The following FER1L5 variants were observed in gnomAD, a reference collection of about 807,000 sequenced individuals.
FER1L5 encodes the protein fer-1-like protein 5.
Under a neutral mutation model 279.9 loss-of-function variants are expected in FER1L5, and 187 were observed. The observed-to-expected ratio is 0.67, with a 90% CI of 0.59 to 0.75. The LOEUF (loss-of-function observed/expected upper bound fraction) is 0.75. Ranked by LOEUF, FER1L5 falls within the 30% of genes least tolerant of loss-of-function variation. FER1L5 has a pLI of 0.00. For synonymous variants in FER1L5, 921 were observed against 989.7 expected (o/e 0.93, Z 1.30); for missense variants, 2,091 against 2,594.4 (o/e 0.81, Z 4.21).
rs1322918215 is a variant in FER1L5 at position 96,702,086 on chromosome 2, A to G, written c.5159+43A>G. On this transcript the variant is annotated intron_variant, in intron 46 of 52. Transcript: ENST00000624922. This position sits in a 1 kb window ranked among gnomAD's most constrained non-coding sequence, Gnocchi z 4.0. ...TCCCAACTGCTGCATTTCACAGTTC[A>G]GAACTCCCCCAGTGCAGGGCACCAC... 1 of 1,606,364 alleles carries G rather than the reference A, an allele frequency of 6.2e-7. No individual in the cohort carries two copies. The highest frequency in any genetic ancestry group is 1.3e-5 in the African/African-American group (1 of 74,872).
intron 18 of FER1L5, 67 bp from the exon 19 acceptor site, chr2:96,673,010 C>T: frequency 2.0e-6 from 3 of 1,495,200 alleles, no homozygotes; most frequent in Non-Finnish European, 2.7e-6. Flanking sequence ...TCCTTGCCTC[C>T]CTGCCTGTCA....
intron 9 of FER1L5, among the ~76,000 whole-genome samples, chr2:96,659,409 CTT>C (rs2075812649): frequency 1.8e-4 from 1 of 5,428 alleles, no homozygotes; most frequent in Non-Finnish European, 2.9e-4. Context: ...TTCTTTCTTT[CTT>C]TCTTTCTTTC....
At chr2:96,672,684 G>GTT (rs2106585199) in intron 18 of FER1L5, among the ~76,000 whole-genome samples, 1 of 152,028 alleles carries the variant, frequency 6.6e-6, no homozygotes, top group African/African-American at 2.4e-5. Context: ...GTGTGTGTGT[G>GTT]TGTAAAACCT....
chr2:96,699,856 G>A (rs749176341), intron 43 of FER1L5, 76 bp from the exon 44 acceptor site: 67 of 1,585,924 alleles, frequency 4.2e-5, no homozygotes, highest in East Asian at 1.3e-4. Context: ...GCTTCCACCC[G>A]TGGTCAACCT....
rs1306140981 is a variant in FER1L5, at chr2:96,659,470, T to C, written c.748-871T>C. Among the ~76,000 whole-genome samples, 9 of 27,984 alleles carry C rather than the reference T, an allele frequency of 3.2e-4. 1 individual carries two copies. The highest frequency in any genetic ancestry group is 1.2e-3 in the Admixed American group (2 of 1,722). 18.4% of individuals were successfully genotyped at this position (27,984 alleles called of 152,430 possible). A position where few individuals can be genotyped will look rare whatever the true frequency, so the allele number is the denominator to read the frequency against. On this transcript the variant is annotated intron_variant, in intron 9 of 52. Coordinates refer to ENST00000624922, the MANE Select transcript of FER1L5 (RefSeq NM_001293083.2). ...CTTTCTTTCTTTCTTTCTTTCTTTC[T>C]TTCTTTCTTTCTTTCTTTCTTTCTT... is the stretch of plus-strand genomic sequence containing the variant.
rs749764120 is a variant in FER1L5 at position 96,704,591 on chromosome 2, C to T, written c.6073C>T (p.Pro2025Ser). ...CTCTTCCATCCTTCCCACCCAGGAT[C>T]CAAACCTAAAGCCTACAATAGACCA... ...ASSSILPTQD[P>S]NLKPTIDHEW... The change falls in exon 53 of 53, where the codon CCA becomes TCA. Residue 2025 changes from proline to serine, a missense_variant. Physicochemically the swap from Pro to Ser is moderately conservative, Grantham distance 74. Transcript: ENST00000624922. 23 of 1,613,980 alleles carry T rather than the reference C, an allele frequency of 1.4e-5. No homozygotes were observed. Among genetic ancestry groups the T allele is most frequent in the Non-Finnish European group, 1.4e-5 (16 of 1,179,880 alleles).
intron 34 of FER1L5, chr2:96,695,167 A>C: frequency 4.2e-6 from 1 of 235,592 alleles, no homozygotes; most frequent in Non-Finnish European, 8.1e-6. Flanking sequence ...GGCTTCAGGA[A>C]CTCCTACCTG....
In FER1L5 at chr2:96,653,717, T is replaced by C; in HGVS notation, c.696+15T>C. On this transcript the variant is annotated intron_variant, in intron 8 of 52. Coordinates refer to ENST00000624922, the MANE Select transcript of FER1L5 (RefSeq NM_001293083.2). ...TCTTAATCCAGGTGAGGAGCCAAACTGGTCCCCAGCAAGGTGGGTTTCTTG... is the reference window on the plus strand; with the variant it reads ...TCTTAATCCAGGTGAGGAGCCAAACCGGTCCCCAGCAAGGTGGGTTTCTTG... 6.5e-7 allele frequency: 1 copy of C among 1,547,950 alleles called. No individual in the cohort carries two copies. The highest frequency in any genetic ancestry group is 8.7e-7 in the Non-Finnish European group (1 of 1,144,434).
At chr2:96,668,324 G>A (rs1208794989) in intron 14 of FER1L5, among the ~76,000 whole-genome samples, 1 of 151,040 alleles carries the variant, frequency 6.6e-6, no homozygotes, top group Non-Finnish European at 1.5e-5. Flanking sequence ...AGGAGTTCGA[G>A]ACCAGCTTGG....
rs936195486 is a variant in FER1L5, at chr2:96,646,494, C to T, written c.138+41C>T. 1.6e-5 allele frequency: 25 copies of T among 1,546,492 alleles called. No individual in the cohort carries two copies. The East Asian group carries it at 5.6e-4, about 35-fold the overall frequency. ...AGCCCAGAAGAGGAAATAACAACCC[C>T]AACAGCAAGGGGGCAAGGGTGGGGT... On this transcript the variant is annotated intron_variant, in intron 2 of 52. Coordinates refer to ENST00000624922, the MANE Select transcript of FER1L5 (RefSeq NM_001293083.2).
chr2:96,695,313 G>A (rs2153300385), intron 34 of FER1L5, 196 bp from the exon 35 acceptor site: 1 of 703,346 alleles, frequency 1.4e-6, no homozygotes, highest in Non-Finnish European at 2.2e-6. Context: ...AGCCCCGAGG[G>A]CAAGCACTGA....
intron 13 of FER1L5, 134 bp downstream of exon 13, chr2:96,662,401 C>A: frequency 2.4e-6 from 2 of 817,918 alleles, no homozygotes; most frequent in Admixed American, 2.2e-5. Context: ...TGCACCCCTG[C>A]ACCTGGAACT....
chr2:96,697,606 G>A (rs1193004288), intron 38 of FER1L5, 30 bp downstream of exon 38: 3 of 1,613,850 alleles, frequency 1.9e-6, no homozygotes, highest in Non-Finnish European at 1.7e-6. Context: ...ATTCAGTGCA[G>A]GGAGGTGGGG....
intron 20 of FER1L5, 50 bp downstream of exon 20, chr2:96,684,501 G>T (rs1243432611): frequency 6.5e-7 from 1 of 1,529,294 alleles, no homozygotes; most frequent in Non-Finnish European, 8.8e-7. Context: ...TCAGAGTGTG[G>T]CTGGGAGACT....
At position 96,654,682 on chromosome 2, in the gene FER1L5, G is replaced by A. The variant is rs554475912; in HGVS notation, c.747+186G>A. The A allele has an allele frequency of 7.4e-5, 25 of 339,420 alleles. No individual in the cohort carries two copies. The Admixed American group carries it at 8.6e-4, about 12-fold the overall frequency. The allele number at this position is 339,420 out of a possible 1,614,324, so 21.0% of individuals were successfully genotyped here. On this transcript the variant is annotated intron_variant, in intron 9 of 52. Coordinates refer to ENST00000624922, the MANE Select transcript of FER1L5 (RefSeq NM_001293083.2). ...TGGGAGGCCGAGGCCGGTGGATCAC[G>A]AGGTCAGGAGATCGAGACCATCGTG... is the stretch of plus-strand genomic sequence containing the variant.
chr2:96,675,571 C>A (rs947489051), intron 19 of FER1L5, among the ~76,000 whole-genome samples: 1 of 152,096 alleles, frequency 6.6e-6, no homozygotes, highest in Non-Finnish European at 1.5e-5. Flanking sequence ...GGATTACAGG[C>A]GCCTGCCACC....
In FER1L5 at chr2:96,642,856, A is replaced by G. The variant is rs903378994; in HGVS notation, c.20A>G (p.Gln7Arg). 3 of 1,550,980 alleles carry G rather than the reference A, an allele frequency of 1.9e-6. No homozygotes were observed. Among genetic ancestry groups the G allele is most frequent in the African/African-American group, 2.7e-5 (2 of 73,016 alleles). Residue 7 changes from glutamine (Q) to arginine (R), a missense_variant, in exon 1 of 53, where the codon CAG becomes CGG. By Grantham distance (43) the Gln-to-Arg change is conservative (BLOSUM62 1). Transcript: ENST00000624922. Reference protein sequence around the residue: MLRLVVQSAKIDPPLAP... With the variant: MLRLVVRSAKIDPPLAP... ...TCCGAGATGCTGCGGCTTGTGGTGC[A>G]GTCGGCCAAGATTGACCCACCACTA...
At chr2:96,703,781 G>A (rs1029933288) in intron 51 of FER1L5, 149 bp downstream of exon 51, 4 of 681,472 alleles carry the variant, frequency 5.9e-6, no homozygotes, top group African/African-American at 3.6e-5. Flanking sequence ...ACAGACTTGG[G>A]GTGAGGGTTG....
rs1399181571 is a variant in FER1L5, at chr2:96,694,289, G to A, written c.3637-71G>A. The A allele has an allele frequency of 4.7e-5, 67 of 1,421,100 alleles. No homozygotes were observed. The highest frequency in any genetic ancestry group is 2.3e-4 in the East Asian group (9 of 39,928). 88.0% of individuals were successfully genotyped at this position (1,421,100 alleles called of 1,614,324 possible). A position where few individuals can be genotyped will look rare whatever the true frequency, so the allele number is the denominator to read the frequency against. On this transcript the variant is annotated intron_variant, in intron 33 of 52. Coordinates refer to ENST00000624922, the MANE Select transcript of FER1L5 (RefSeq NM_001293083.2). This position sits in a 1 kb window ranked among gnomAD's most constrained non-coding sequence, Gnocchi z 4.6. ...TCTGGGCTCGGTGAGGCCTCTGAGGGACCTGCTTGAGGTGAGGGTGAGGGC... is the reference window on the plus strand; with the variant it reads ...TCTGGGCTCGGTGAGGCCTCTGAGGAACCTGCTTGAGGTGAGGGTGAGGGC...
Sources: allele counts gnomAD v4.1 joint callset (sites outside exome capture counted in the v4.1 genomes callset), GRCh38; gene constraint gnomAD v4.1.1; non-coding constraint Gnocchi (gnomAD v3.1); transcripts MANE v1.5; gene names NCBI Gene and HGNC (gene_info 2026-07-23, HGNC 2026-07-21).